Variants in ATR observed in about 807,000 individuals in gnomAD.
The protein encoded by ATR is ATR checkpoint kinase.
A neutral mutation model predicts 305.3 loss-of-function variants in ATR; 142 were observed. The observed-to-expected ratio is 0.47, with a 90% CI of 0.41 to 0.53. The LOEUF (loss-of-function observed/expected upper bound fraction) is 0.53. Ranked by LOEUF, ATR falls within the 20% of genes least tolerant of loss-of-function variation. The pLI is 0.00. For synonymous variants in ATR, 1,050 were observed against 1,068.1 expected, an observed-to-expected ratio of 0.98 and a Z score of 0.33; for missense variants, 2,135 against 3,133.1, an observed-to-expected ratio of 0.68 and a Z score of 7.60.
At chr3:142,570,319 T>C (rs1377364252) in intron 1 of ATR, among the ~76,000 whole-genome samples, 1 of 152,238 alleles carries the variant, frequency 6.6e-6, no homozygotes, top group East Asian at 1.9e-4. Context: ...GTGCTTTGTG[T>C]CATATCAAAG....
At chr3:142,454,437 C>CTTTTTTTTTTTTTTTTT (rs760823609) in intron 45 of ATR, among the ~76,000 whole-genome samples, 1 of 101,476 alleles carries the variant, frequency 9.9e-6, no homozygotes, top group African/African-American at 5.0e-5. Flanking sequence ...TGATAGACAG[C>CTTTTTTTTTTTTTTTTT]TTTTTTTTTT....
chr3:142,525,247 C>T (rs1350560518), intron 21 of ATR, among the ~76,000 whole-genome samples: 5 of 152,098 alleles, frequency 3.3e-5, no homozygotes, highest in Non-Finnish European at 7.4e-5. Flanking sequence ...TTGTTTCCCA[C>T]TGGTCTGGTT....
chr3:142,500,539 C>T (rs2031902087), intron 30 of ATR, among the ~76,000 whole-genome samples: 1 of 152,116 alleles, frequency 6.6e-6, no homozygotes. Flanking sequence ...ACACTGCATA[C>T]AGCACATATA....
intron 21 of ATR, among the ~76,000 whole-genome samples, chr3:142,527,912 C>T (rs2033465370): frequency 6.6e-6 from 1 of 152,152 alleles, no homozygotes; most frequent in Non-Finnish European, 1.5e-5. Context: ...CCCTAGGCAA[C>T]CATTAATCTA....
chr3:142,571,092 A>C (rs2035243985), intron 1 of ATR, among the ~76,000 whole-genome samples: 1 of 152,160 alleles, frequency 6.6e-6, no homozygotes, highest in African/African-American at 2.4e-5. Flanking sequence ...TAATTTAATA[A>C]ATTCAAAAGG....
intron 36 of ATR, among the ~76,000 whole-genome samples, chr3:142,475,342 T>C (rs969772632): frequency 2.6e-5 from 4 of 152,010 alleles, no homozygotes; most frequent in Non-Finnish European, 4.4e-5. Context: ...AATGAGAACA[T>C]GCGGTGTTTG....
chr3:142,556,641 T>C (rs2034684308), intron 8 of ATR, 66 bp from the exon 9 acceptor site: 4 of 1,409,504 alleles, frequency 2.8e-6, no homozygotes, highest in Non-Finnish European at 3.9e-6. Context: ...CACATATACA[T>C]ATATATAAGT....
intron 35 of ATR, among the ~76,000 whole-genome samples, chr3:142,486,543 A>T (rs544897794): frequency 6.6e-6 from 1 of 152,044 alleles, no homozygotes; most frequent in Admixed American, 6.6e-5. Flanking sequence ...AAATTCACAT[A>T]CTGAAAAATA....
intron 16 of ATR, among the ~76,000 whole-genome samples, chr3:142,543,625 T>C (rs1294148197): frequency 6.6e-6 from 1 of 151,730 alleles, no homozygotes; most frequent in Non-Finnish European, 1.5e-5. Flanking sequence ...CCTTCCTTCC[T>C]TTCTATTTCT....
intron 35 of ATR, among the ~76,000 whole-genome samples, chr3:142,488,905 T>C (rs949462579): frequency 1.3e-5 from 2 of 152,246 alleles, no homozygotes; most frequent in Non-Finnish European, 2.9e-5. Context: ...ACATGTATTC[T>C]AGCTACCAAT....
chr3:142,502,838 A>C (rs572654232), intron 30 of ATR, among the ~76,000 whole-genome samples: 7 of 152,328 alleles, frequency 4.6e-5, no homozygotes, highest in African/African-American at 1.7e-4. Context: ...TTAATCTCCA[A>C]ACTGGAAGAA....
chr3:142,501,698 A>T (rs1268356951), intron 30 of ATR, among the ~76,000 whole-genome samples: 1 of 152,224 alleles, frequency 6.6e-6, no homozygotes, highest in African/African-American at 2.4e-5. Context: ...AGAAATGAAA[A>T]TCAAAGCCAC....
At chr3:142,506,430 A>C (rs915689015) in intron 28 of ATR, among the ~76,000 whole-genome samples, 1 of 152,232 alleles carries the variant, frequency 6.6e-6, no homozygotes, top group African/African-American at 2.4e-5. Context: ...ACAGTGGCTC[A>C]TGCCTGTAAT....
At chr3:142,547,434 A>G (rs371494506) in intron 16 of ATR, among the ~76,000 whole-genome samples, 5 of 152,312 alleles carry the variant, frequency 3.3e-5, no homozygotes, top group East Asian at 1.9e-4. Flanking sequence ...AAAACACTTA[A>G]AAGTCCACAT....
chr3:142,556,134 TTATCTC>T lies in ATR; in HGVS notation c.2079-1_2083del, dbSNP rs1364355272. 6.2e-7 allele frequency: 1 copy of T among 1,613,216 alleles called. No individual in the cohort carries two copies. The highest frequency in any genetic ancestry group is 8.5e-7 in the Non-Finnish European group (1 of 1,179,758). On this transcript the variant is annotated splice_acceptor_variant and coding_sequence_variant, in exon 10 of 47. Coordinates refer to ENST00000350721, the MANE Select transcript of ATR (RefSeq NM_001184.4). LOFTEE classifies it high-confidence loss of function. ...GACAATGTCAGAATCATCTTTGACT[TTATCTC>T]TGGGGAAAAAAAAGAAAAAGTACTA...
At chr3:142,527,328 C>T (rs2033437640) in intron 21 of ATR, among the ~76,000 whole-genome samples, 1 of 151,712 alleles carries the variant, frequency 6.6e-6, no homozygotes, top group East Asian at 2.0e-4. Flanking sequence ...ATTTAAAAAT[C>T]CCCTTATCTG....
intron 45 of ATR, among the ~76,000 whole-genome samples, chr3:142,453,997 T>C (rs2108251159): frequency 6.6e-6 from 1 of 152,350 alleles, no homozygotes; most frequent in South Asian, 2.1e-4. Context: ...ATTATCTCTT[T>C]CCACCCCTTG....
At chr3:142,473,564 G>A (rs2071351716) in intron 36 of ATR, among the ~76,000 whole-genome samples, 1 of 144,976 alleles carries the variant, frequency 6.9e-6, no homozygotes, top group South Asian at 2.2e-4. Context: ...TTTTTTTTTA[G>A]AGACATAGTC....
chr3:142,501,612 A>G (rs992088235), intron 30 of ATR, among the ~76,000 whole-genome samples: 2 of 152,262 alleles, frequency 1.3e-5, no homozygotes, highest in African/African-American at 4.8e-5. Flanking sequence ...AAAGGACATG[A>G]GCAGACACTT....
Sources: gnomAD v4.1 joint callset for allele counts (sites outside exome capture counted in the v4.1 genomes callset) on GRCh38, gnomAD v4.1.1 for gene constraint, MANE v1.5 for transcripts, NCBI Gene and HGNC (gene_info 2026-07-23, HGNC 2026-07-21) for gene names.